Variants in OCA2 observed in about 807,000 individuals in gnomAD.
OCA2 encodes P protein.
Under a neutral mutation model 100.2 loss-of-function variants are expected in OCA2, and 77 were observed. That is an observed-to-expected ratio of 0.77 (90% CI 0.64 to 0.93). The LOEUF is 0.93. OCA2 is among the 40% of genes least tolerant of loss of function. OCA2 has a pLI of 0.00. For missense variants in OCA2, 1,062 were observed against 1,089.1 expected (o/e 0.98, Z 0.35); for synonymous variants, 432 against 439.2 (o/e 0.98, Z 0.21).
chr15:27,824,143 G>A (rs2034609733), intron 23 of OCA2, among the ~76,000 whole-genome samples: 1 of 152,184 alleles, frequency 6.6e-6, no homozygotes, highest in Non-Finnish European at 1.5e-5. Context: ...TGAGGCCAGT[G>A]GATCACCTGA....
chr15:27,774,380 T>C (rs2032068209), intron 23 of OCA2, among the ~76,000 whole-genome samples: 1 of 152,256 alleles, frequency 6.6e-6, no homozygotes, highest in Admixed American at 6.5e-5. Context: ...GAGAGCCTCC[T>C]GCTGTGCCTG....
Position 27,853,693 on chromosome 15 carries a change from G to C in OCA2, c.2245-2218C>G, listed in dbSNP as rs28697101. On this transcript the variant is annotated intron_variant, in intron 21 of 23. Transcript: ENST00000354638. ...GAGCCTGCCTCCGGGAGGCTCCGGA[G>C]AATGGAGAGCTATGTTGTCCCCACC... Among the ~76,000 whole-genome samples, 792 of 152,184 alleles carry C rather than the reference G, an allele frequency of 5.2e-3. 4 individuals are homozygous for C. Among genetic ancestry groups the C allele is most frequent in the Non-Finnish European group, 7.2e-3 (490 of 68,016 alleles).
At chr15:28,081,967 G>T in intron 1 of OCA2, 72 bp from the exon 2 acceptor site, 1 of 1,245,298 alleles carries the variant, frequency 8.0e-7, no homozygotes. Context: ...TTGGGAGTCC[G>T]TACAATAGGA....
chr15:27,781,003 T>C (rs2032512086), intron 23 of OCA2, among the ~76,000 whole-genome samples: 1 of 152,240 alleles, frequency 6.6e-6, no homozygotes. Context: ...TGAGTGTCTC[T>C]TCTCATAAAC....
At chr15:28,083,079 C>G (rs763698008) in intron 1 of OCA2, among the ~76,000 whole-genome samples, 1 of 152,204 alleles carries the variant, frequency 6.6e-6, no homozygotes, top group Admixed American at 6.5e-5. Flanking sequence ...TGCAGAGGCA[C>G]GTGCTGGGGC....
At chr15:28,032,512 G>A (rs1029949244) in intron 2 of OCA2, among the ~76,000 whole-genome samples, 2 of 152,054 alleles carry the variant, frequency 1.3e-5, no homozygotes, top group African/African-American at 4.8e-5. Flanking sequence ...AGGGACGGGC[G>A]CGGTGGCTCA....
chr15:28,080,930 A>T (rs927958054), intron 2 of OCA2, among the ~76,000 whole-genome samples: 3 of 152,238 alleles, frequency 2.0e-5, no homozygotes, highest in African/African-American at 2.4e-5. Context: ...TAAGGAATGA[A>T]ATCATGTCTT....
chr15:28,097,295 C>T (rs2045003996), intron 1 of OCA2, among the ~76,000 whole-genome samples: 1 of 152,254 alleles, frequency 6.6e-6, no homozygotes, highest in Non-Finnish European at 1.5e-5. Context: ...CGCGACAAGC[C>T]GGCTGCCTGC....
chr15:27,938,372 G>A (rs2039531161), intron 18 of OCA2, among the ~76,000 whole-genome samples: 1 of 152,162 alleles, frequency 6.6e-6, no homozygotes, highest in African/African-American at 2.4e-5. Context: ...TAGCCCTTCT[G>A]CCCACAACTT....
chr15:27,988,553 T>C (rs1311784489), intron 11 of OCA2, among the ~76,000 whole-genome samples: 1 of 151,980 alleles, frequency 6.6e-6, no homozygotes, highest in Non-Finnish European at 1.5e-5. Context: ...GGAGGGAGGC[T>C]CAGGAGAAAG....
At chr15:27,996,263 C>A (rs2141064131) in intron 9 of OCA2, among the ~76,000 whole-genome samples, 1 of 152,184 alleles carries the variant, frequency 6.6e-6, no homozygotes, top group Admixed American at 6.5e-5. Context: ...GTGATGAATA[C>A]CTACCTCAAA....
At chr15:28,031,351 C>G (rs1006241005) in intron 3 of OCA2, among the ~76,000 whole-genome samples, 2 of 152,122 alleles carry the variant, frequency 1.3e-5, no homozygotes, top group Non-Finnish European at 2.9e-5. Flanking sequence ...ACAATGTCAC[C>G]AAGTTTGTGA....
intron 2 of OCA2, among the ~76,000 whole-genome samples, chr15:28,050,602 G>A (rs1308351866): frequency 1.3e-5 from 2 of 151,470 alleles, no homozygotes; most frequent in African/African-American, 4.8e-5. Context: ...GCCCTCCAGT[G>A]GTGGGAAAGC....
chr15:27,860,473 C>T (rs751829163), intron 21 of OCA2, among the ~76,000 whole-genome samples: 10 of 152,280 alleles, frequency 6.6e-5, no homozygotes, highest in South Asian at 2.1e-4. Flanking sequence ...CTTCTGAAAA[C>T]GCCACTGTTT....
chr15:27,775,520 C>T, intron 23 of OCA2: 1 of 152,508 alleles, frequency 6.6e-6, no homozygotes, highest in Admixed American at 6.5e-5. Flanking sequence ...TCAGGAATTA[C>T]TCCCTGCAGG....
At chr15:27,998,289 A>C (rs1158392869) in intron 9 of OCA2, among the ~76,000 whole-genome samples, 1 of 88,828 alleles carries the variant, frequency 1.1e-5, no homozygotes, top group Admixed American at 1.0e-4. Flanking sequence ...AAATTTTTGC[A>C]ACCTACTCAT....
intron 1 of OCA2, among the ~76,000 whole-genome samples, chr15:28,090,580 C>T (rs2044853957): frequency 6.6e-6 from 1 of 152,188 alleles, no homozygotes. Flanking sequence ...ATTAAACATA[C>T]TTCCAAATAA....
intron 6 of OCA2, among the ~76,000 whole-genome samples, chr15:28,019,692 G>A (rs1030857235): frequency 1.3e-5 from 2 of 152,080 alleles, no homozygotes; most frequent in African/African-American, 4.8e-5. Flanking sequence ...AGGAGGCCTC[G>A]AGCTCCTTGC....
At chr15:27,727,508 C>T in the OCA2 span, among the ~76,000 whole-genome samples, 40 of 152,258 alleles carry the variant, frequency 2.6e-4, no homozygotes, top group African/African-American at 9.1e-4. Context: ...GTGTAAAGCA[C>T]GGAGATTTTA....
Sources: gnomAD v4.1 joint callset for allele counts (sites outside exome capture counted in the v4.1 genomes callset) on GRCh38, gnomAD v4.1.1 for gene constraint, MANE v1.5 for transcripts, NCBI Gene and HGNC (gene_info 2026-07-23, HGNC 2026-07-21) for gene names.